Variants in MTUS1 observed in about 807,000 individuals in gnomAD.
MTUS1 encodes microtubule-associated tumor suppressor 1.
Under a neutral mutation model 120.8 loss-of-function variants are expected in MTUS1, and 109 were observed. That is an observed-to-expected ratio of 0.90 (90% CI 0.77 to 1.06). The LOEUF is 1.06. Among genes scored for constraint, MTUS1 ranks in the 50% least tolerant of loss-of-function variants. The probability of loss-of-function intolerance (pLI) is 0.00; values close to 1 mark genes in which losing one functional copy is unlikely to be tolerated. For synonymous variants in MTUS1, 737 were observed against 550.5 expected, an observed-to-expected ratio of 1.34 and a Z score of -4.74; for missense variants, 2,210 against 1,486.3, an observed-to-expected ratio of 1.49 and a Z score of -8.01.
chr8:17,729,472 C>A (rs978639409), intron 3 of MTUS1, among the ~76,000 whole-genome samples: 2 of 151,584 alleles, frequency 1.3e-5, no homozygotes, highest in African/African-American at 4.9e-5. Flanking sequence ...CAGGAAAAAA[C>A]AGAAAAAGAA....
At chr8:17,743,424 T>C (rs2047488276) in intron 3 of MTUS1, among the ~76,000 whole-genome samples, 180 bp downstream of exon 3, 2 of 152,188 alleles carry the variant, frequency 1.3e-5, no homozygotes, top group South Asian at 4.1e-4. Context: ...TCAACTAGCC[T>C]TTGCCTTGCT....
At position 17,754,801 on chromosome 8, in the gene MTUS1, T is replaced by A. The variant is rs755655227; in HGVS notation, c.1007A>T (p.Asn336Ile). The A allele has an allele frequency of 3.7e-6, 6 of 1,614,226 alleles. No homozygotes were observed. Among genetic ancestry groups the A allele is most frequent in the Non-Finnish European group, 5.1e-6 (6 of 1,180,038 alleles). The change falls in exon 2 of 15, where the codon AAT (asparagine) becomes ATT (isoleucine). Residue 336 changes from asparagine (N) to isoleucine (I), a missense_variant. Transcript: ENST00000693296. ...ACAATAGGACACTGTCTCTCTCAGA[T>A]TTTGGCCCATTTCCTTGTGCCTGTA... Reference protein sequence around the residue: ...SSYRHKEMGQNLRETVSYCLI... With the variant: ...SSYRHKEMGQILRETVSYCLI...
chr8:17,697,126 C>G, intron 6 of MTUS1: 1 of 1,141,290 alleles, frequency 8.8e-7, no homozygotes, highest in South Asian at 2.0e-5. Flanking sequence ...TTAAATTAAG[C>G]CTCATCTCTC....
At chr8:17,712,482 G>A (rs1821510652) in intron 6 of MTUS1, among the ~76,000 whole-genome samples, 1 of 152,088 alleles carries the variant, frequency 6.6e-6, no homozygotes, top group Admixed American at 6.5e-5. Context: ...GACTCCAGGA[G>A]CGTACCACCA....
At chr8:17,706,420 C>T (rs1563237975) in intron 6 of MTUS1, among the ~76,000 whole-genome samples, 1 of 152,094 alleles carries the variant, frequency 6.6e-6, no homozygotes, top group Non-Finnish European at 1.5e-5. Context: ...TCTCCTCCTG[C>T]TTTTCTACAT....
intron 1 of MTUS1, among the ~76,000 whole-genome samples, chr8:17,771,745 C>G (rs1333357051): frequency 1.3e-5 from 2 of 152,180 alleles, no homozygotes; most frequent in East Asian, 1.9e-4. Context: ...TACTATTTTC[C>G]GATAAACAGG....
At chr8:17,730,113 G>T (rs2131166212) in intron 3 of MTUS1, among the ~76,000 whole-genome samples, 1 of 152,230 alleles carries the variant, frequency 6.6e-6, no homozygotes, top group African/African-American at 2.4e-5. Flanking sequence ...ATGGTATGGT[G>T]GTTCCTCCAA....
intron 4 of MTUS1, chr8:17,721,616 G>A: frequency 7.2e-7 from 1 of 1,383,824 alleles, no homozygotes; most frequent in Non-Finnish European, 9.6e-7. Flanking sequence ...TAAATTACAA[G>A]TTACAAAAAC....
In MTUS1 at chr8:17,755,497, T is replaced by C. The variant is rs2048542526; in HGVS notation, c.311A>G (p.Gln104Arg). 1.9e-6 allele frequency: 3 copies of C among 1,614,072 alleles called. No homozygotes were observed. The highest frequency in any genetic ancestry group is 2.5e-6 in the Non-Finnish European group (3 of 1,180,008). Reference protein sequence around the residue: ...VLDMHKDSICQCPALVGTEKP... With the variant: ...VLDMHKDSICRCPALVGTEKP... ...CTCAGTACCTACAAGTGCAGGACACTGACAAATAGAATCTTTATGCATATC... is the reference window on the plus strand; with the variant it reads ...CTCAGTACCTACAAGTGCAGGACACCGACAAATAGAATCTTTATGCATATC... The change falls in exon 2 of 15, where the codon CAG (glutamine) becomes CGG (arginine). Residue 104 changes from glutamine to arginine, a missense_variant. Gln to Arg is a conservative substitution (Grantham distance 43). Coordinates refer to ENST00000693296, the MANE Select transcript of MTUS1 (RefSeq NM_001363059.2).
intron 6 of MTUS1, chr8:17,693,261 T>C (rs186022): frequency 0.28 from 43,033 of 152,176 alleles, 6,818 homozygotes; most frequent in East Asian, 0.63. Context: ...CCCTTCTCCA[T>C]GTCAGTGACG....
intron 3 of MTUS1, among the ~76,000 whole-genome samples, chr8:17,725,901 G>A (rs967956956): frequency 4.6e-5 from 7 of 152,292 alleles, no homozygotes; most frequent in African/African-American, 1.2e-4. Context: ...CTATAGGATG[G>A]TGATCGTAGT....
At chr8:17,711,306 G>C (rs760799617) in intron 6 of MTUS1, among the ~76,000 whole-genome samples, 6 of 152,192 alleles carry the variant, frequency 3.9e-5, no homozygotes, top group Non-Finnish European at 5.9e-5. Context: ...CTGTTGTTTT[G>C]TGTAGCCACC....
chr8:17,722,459 ATTT>A, intron 4 of MTUS1: 3 of 985,390 alleles, frequency 3.0e-6, no homozygotes, highest in Non-Finnish European at 3.6e-6. Context: ...TGCAAGCCTG[ATTT>A]TGTGCCACAC....
chr8:17,744,790 G>T (rs945100608), intron 2 of MTUS1, among the ~76,000 whole-genome samples: 3 of 147,946 alleles, frequency 2.0e-5, no homozygotes, highest in Non-Finnish European at 4.4e-5. Context: ...GTGATCTGCC[G>T]CCTCGGCCTC....
intron 6 of MTUS1, among the ~76,000 whole-genome samples, chr8:17,705,111 T>G (rs528852883): frequency 4.2e-4 from 64 of 152,200 alleles, no homozygotes; most frequent in Non-Finnish European, 5.0e-4. Flanking sequence ...GCCTCATGAG[T>G]GCTGGGACTA....
intron 5 of MTUS1, among the ~76,000 whole-genome samples, chr8:17,715,512 C>G (rs1326331072): frequency 6.6e-6 from 1 of 152,142 alleles, no homozygotes; most frequent in African/African-American, 2.4e-5. Flanking sequence ...TAATTTAACT[C>G]CTGAAGTTTT....
At chr8:17,649,068 C>A (rs1246483115) in intron 13 of MTUS1, among the ~76,000 whole-genome samples, 3 of 150,448 alleles carry the variant, frequency 2.0e-5, no homozygotes, top group Non-Finnish European at 4.4e-5. Flanking sequence ...TGCTACTTGT[C>A]CAAATGGATT....
chr8:17,798,513 T>C (rs2052431482), intron 1 of MTUS1, among the ~76,000 whole-genome samples: 2 of 152,174 alleles, frequency 1.3e-5, no homozygotes, highest in Non-Finnish European at 2.9e-5. Flanking sequence ...TTTGTATCTT[T>C]AGTAGAGACG....
intron 4 of MTUS1, among the ~76,000 whole-genome samples, chr8:17,716,813 C>G (rs1000768278): frequency 6.6e-6 from 1 of 152,202 alleles, no homozygotes; most frequent in Non-Finnish European, 1.5e-5. Context: ...CTCAGCCTCC[C>G]AAAGTGCTGG....
Sources: gnomAD v4.1 joint callset for allele counts (sites outside exome capture counted in the v4.1 genomes callset) on GRCh38, gnomAD v4.1.1 for gene constraint, MANE v1.5 for transcripts, NCBI Gene and HGNC (gene_info 2026-07-23, HGNC 2026-07-21) for gene names.